The following BEND4 variants were observed in gnomAD, a reference collection of about 807,000 sequenced individuals.
The protein encoded by BEND4 is BEN domain containing 4.
BEND4 carries 27 observed loss-of-function variants against 54.7 expected under a neutral mutation model. That is an observed-to-expected ratio of 0.49 (90% confidence interval 0.36 to 0.68). The LOEUF is 0.68. BEND4 is among the 30% of genes least tolerant of loss of function. The pLI is 0.00. For missense variants in BEND4, 702 were observed against 697.2 expected, an observed-to-expected ratio of 1.01 and a Z score of -0.08; for synonymous variants, 327 against 299.5, an observed-to-expected ratio of 1.09 and a Z score of -0.95.
intron 2 of BEND4, among the ~76,000 whole-genome samples, chr4:42,150,328 G>T (rs1721221561): frequency 6.7e-6 from 1 of 148,612 alleles, no homozygotes; most frequent in African/African-American, 2.6e-5. Context: ...AAACAATAAG[G>T]AAGTCCACCT....
At chr4:42,135,271 A>G (rs1720658951) in intron 3 of BEND4, among the ~76,000 whole-genome samples, 1 of 152,210 alleles carries the variant, frequency 6.6e-6, no homozygotes, top group Non-Finnish European at 1.5e-5. Flanking sequence ...GATGGATCTG[A>G]GGTCCCCTAC....
intron 4 of BEND4, among the ~76,000 whole-genome samples, chr4:42,121,703 C>G (rs1278810059): frequency 1.3e-5 from 2 of 152,084 alleles, no homozygotes; most frequent in African/African-American, 4.8e-5. Flanking sequence ...TCCTTCAGCC[C>G]CGGTTGCAGT....
intron 3 of BEND4, among the ~76,000 whole-genome samples, chr4:42,142,306 C>T (rs911142707): frequency 4.0e-5 from 6 of 151,254 alleles, no homozygotes; most frequent in Non-Finnish European, 8.8e-5. Context: ...TACAGACGTA[C>T]AGGAATGAAT....
Position 42,143,762 on chromosome 4 carries a change from T to G in BEND4, c.720A>C (p.Gln240His). 6.2e-7 allele frequency: 1 copy of G among 1,613,846 alleles called. No homozygotes were observed. The highest frequency in any genetic ancestry group is 8.5e-7 in the Non-Finnish European group (1 of 1,179,774). ...DIEMQYMQRK[Q>H]QTSAFLRVFT... ...AAACCCTCAAAAAGGCAGAAGTTTGTTGTTTCCTTTGCATATACTGCATCT... is the reference window on the plus strand; with the variant it reads ...AAACCCTCAAAAAGGCAGAAGTTTGGTGTTTCCTTTGCATATACTGCATCT... The change falls in exon 3 of 6, where the codon CAA becomes CAC. Residue 240 changes from glutamine to histidine, a missense_variant. Coordinates refer to ENST00000502486, the MANE Select transcript of BEND4 (RefSeq NM_207406.4).
Position 42,138,395 on chromosome 4 carries a change from G to A in BEND4, c.1054+5033C>T, listed in dbSNP as rs537768051. 3.2e-4 allele frequency among the ~76,000 whole-genome samples: 48 copies of A among 152,254 alleles called. 1 individual carries two copies. The highest frequency in any genetic ancestry group is 1.2e-3 in the African/African-American group (48 of 41,556). On this transcript the variant is annotated intron_variant, in intron 3 of 5. Coordinates refer to ENST00000502486, the MANE Select transcript of BEND4 (RefSeq NM_207406.4). Reference sequence around the variant, plus strand: ...ATTCAAATTCAAATATACAGAGCTAGAGAACAAAATAGTAGCTACAAGGGG... The same window carrying A: ...ATTCAAATTCAAATATACAGAGCTAAAGAACAAAATAGTAGCTACAAGGGG...
At chr4:42,125,221 G>A (rs1720225257) in intron 4 of BEND4, among the ~76,000 whole-genome samples, 1 of 152,216 alleles carries the variant, frequency 6.6e-6, no homozygotes, top group Non-Finnish European at 1.5e-5. Context: ...GAAGAATCAT[G>A]CCCAGTGTGT....
rs1336265339 is a variant in BEND4, at chr4:42,143,990, ACT to A, written c.490_491del (p.Arg165AsnfsTer15). 2 of 1,573,074 alleles carry A rather than the reference ACT, an allele frequency of 1.3e-6. No homozygotes were observed. The highest frequency in any genetic ancestry group is 1.7e-6 in the Non-Finnish European group (2 of 1,163,032). On this transcript the variant is annotated frameshift_variant and splice_region_variant, in exon 3 of 6. Transcript: ENST00000502486. LOFTEE classifies it high-confidence loss of function. The part of the protein sequence containing the change: ...DSASLELSAE[S>X]RMILDAFAQQ... ...GGGCAAAGGCATCCAAGATCATTCG[ACT>A]CTCTGAAACAAATGAAAGGACACAT...
chr4:42,121,637 A>C (rs1300053973), intron 4 of BEND4, among the ~76,000 whole-genome samples: 1 of 152,120 alleles, frequency 6.6e-6, no homozygotes, highest in Non-Finnish European at 1.5e-5. Context: ...ACAGTGGTGG[A>C]CCCTGTGTAT....
chr4:42,127,422 A>C (rs1199764380), intron 3 of BEND4, among the ~76,000 whole-genome samples: 2 of 152,224 alleles, frequency 1.3e-5, no homozygotes, highest in Non-Finnish European at 2.9e-5. Flanking sequence ...ACCAAAGTTC[A>C]ATAAACCTGT....
rs773770337 is a variant in BEND4, at chr4:42,143,431, G to A, written c.1051C>T (p.Pro351Ser). 6.4e-7 allele frequency: 1 copy of A among 1,550,858 alleles called. No homozygotes were observed. Among genetic ancestry groups the A allele is most frequent in the East Asian group, 2.4e-5 (1 of 40,916 alleles). Residue 351 changes from proline (P) to serine (S), a missense_variant, in exon 3 of 6, where the codon CCA becomes TCA. By Grantham distance (74) the Pro-to-Ser change is moderately conservative. Coordinates refer to ENST00000502486, the MANE Select transcript of BEND4 (RefSeq NM_207406.4). The stretch of plus-strand genomic sequence containing the variant: ...TGCAAGGAATATGGCAGGATACCTG[G>A]GATGCTCTCTAATTTCCTTCTGAGC... ...EELRRKLESI[P>S]VPCQTVLDYL...
At chr4:42,128,704 G>T (rs1359682536) in intron 3 of BEND4, among the ~76,000 whole-genome samples, 1 of 151,964 alleles carries the variant, frequency 6.6e-6, no homozygotes, top group Admixed American at 6.6e-5. Context: ...TTCAAGGCCG[G>T]GTGCGGTGGC....
In BEND4 at chr4:42,115,858, A is replaced by G. The variant is rs943535517; in HGVS notation, c.*1660T>C. Reference sequence around the variant, plus strand: ...TTGGTTCTCCCTATTCCATTGAATGATATGACAAATTTTAGTTAATTTTCT... The same window carrying G: ...TTGGTTCTCCCTATTCCATTGAATGGTATGACAAATTTTAGTTAATTTTCT... On this transcript the variant is annotated 3_prime_UTR_variant, in exon 6 of 6. Transcript: ENST00000502486. The G allele has an allele frequency of 6.6e-6, 1 of 150,664 alleles. No individual in the cohort carries two copies. Among genetic ancestry groups the G allele is most frequent in the African/African-American group, 2.5e-5 (1 of 40,410 alleles). 9.3% of individuals were successfully genotyped at this position (150,664 alleles called of 1,614,324 possible).
At chr4:42,148,403 T>C (rs1410431057) in intron 2 of BEND4, among the ~76,000 whole-genome samples, 2 of 152,240 alleles carry the variant, frequency 1.3e-5, no homozygotes, top group African/African-American at 4.8e-5. Flanking sequence ...TGCTTCCTAA[T>C]ATTCATCCTG....
In BEND4 at chr4:42,131,792, T is replaced by TA. The variant is rs537082844; in HGVS notation, c.1055-6119dup. Among the ~76,000 whole-genome samples the TA allele has an allele frequency of 7.3e-3, 1,053 of 144,786 alleles. 12 individuals carry two copies. Among genetic ancestry groups the TA allele is most frequent in the African/African-American group, 0.024 (935 of 39,588 alleles). The allele number at this position is 144,786 out of a possible 152,430, so 95.0% of individuals were successfully genotyped here. On this transcript the variant is annotated intron_variant, in intron 3 of 5. Transcript: ENST00000502486. ...ACAAGGCTCATATTTGGTCAATTGTTAAAAAAAAAAAAATAGCCAAAACTG... is the reference window on the plus strand; with the variant it reads ...ACAAGGCTCATATTTGGTCAATTGTTAAAAAAAAAAAAAATAGCCAAAACTG...
chr4:42,130,009 G>T (rs966841331), intron 3 of BEND4, among the ~76,000 whole-genome samples: 9 of 152,072 alleles, frequency 5.9e-5, no homozygotes, highest in African/African-American at 2.2e-4. Flanking sequence ...ATCTGACAAA[G>T]GTCTAACATC....
chr4:42,119,517 G>A (rs965692185), intron 5 of BEND4, among the ~76,000 whole-genome samples: 8 of 151,902 alleles, frequency 5.3e-5, no homozygotes, highest in African/African-American at 1.5e-4. Context: ...TGCTGAAGTC[G>A]TATTATCTCT....
rs763959902 is a variant in BEND4, at chr4:42,151,785, G to A, written c.359C>T (p.Pro120Leu). The A allele has an allele frequency of 7.4e-6, 11 of 1,492,612 alleles. No homozygotes were observed. The highest frequency in any genetic ancestry group is 1.9e-4 in the Middle Eastern group (1 of 5,136). 92.5% of individuals were successfully genotyped at this position (1,492,612 alleles called of 1,614,324 possible). The change falls in exon 2 of 6, where the codon CCG (proline) becomes CTG (leucine). Residue 120 changes from proline to leucine, a missense_variant. Coordinates refer to ENST00000502486, the MANE Select transcript of BEND4 (RefSeq NM_207406.4). ...CGAGGAGGCGGCGGGGGACGCGGGC[G>A]GCGGCTGCGCCGGAGTCCTCAAGTG... ...QGHLRTPAQP[P>L]PASPAASSSS... is the part of the protein sequence containing the mutation.
intron 3 of BEND4, among the ~76,000 whole-genome samples, chr4:42,135,729 T>G (rs894521652): frequency 6.6e-6 from 1 of 152,080 alleles, no homozygotes; most frequent in Non-Finnish European, 1.5e-5. Flanking sequence ...GAGCCGAGAT[T>G]GTGCCACTGC....
chr4:42,152,107 T>C lies in BEND4; in HGVS notation c.37A>G (p.Ser13Gly). 8.0e-7 allele frequency: 1 copy of C among 1,248,218 alleles called. No homozygotes were observed. Among genetic ancestry groups the C allele is most frequent in the Non-Finnish European group, 1.0e-6 (1 of 987,754 alleles). The allele number at this position is 1,248,218 out of a possible 1,614,324, so 77.3% of individuals were successfully genotyped here. A position where few individuals can be genotyped will look rare whatever the true frequency, so the allele number is the denominator to read the frequency against. ...CGCTGCTTGTAGATTTTGGGGACGCTGGGCCCCTCCTCTGCCGGCTGCATC... is the reference window on the plus strand; with the variant it reads ...CGCTGCTTGTAGATTTTGGGGACGCCGGGCCCCTCCTCTGCCGGCTGCATC... The part of the protein sequence containing the change: ...EEMQPAEEGP[S>G]VPKIYKQRSP... The change falls in exon 2 of 6, where the codon AGC becomes GGC. Residue 13 changes from serine to glycine, a missense_variant. Transcript: ENST00000502486.
Sources: allele counts gnomAD v4.1 joint callset (sites outside exome capture counted in the v4.1 genomes callset), GRCh38; gene constraint gnomAD v4.1.1; transcripts MANE v1.5; gene names NCBI Gene and HGNC (gene_info 2026-07-23, HGNC 2026-07-21).